The following ATP9B variants were observed in gnomAD, a reference collection of about 807,000 sequenced individuals.
ATP9B encodes probable phospholipid-transporting ATPase IIB.
Under a neutral mutation model 146.1 loss-of-function variants are expected in ATP9B, and 110 were observed. The observed-to-expected ratio is 0.75, with a 90% CI of 0.65 to 0.88. The LOEUF (loss-of-function observed/expected upper bound fraction) is 0.88, where lower values mean the gene tolerates loss of function less well. Ranked by LOEUF, ATP9B falls within the 40% of genes least tolerant of loss-of-function variation. The pLI, the probability that ATP9B is intolerant of heterozygous loss-of-function variation, is 0.00. For synonymous variants in ATP9B, 604 were observed against 569.7 expected, an observed-to-expected ratio of 1.06 and a Z score of -0.86; for missense variants, 1,499 against 1,496.4, an observed-to-expected ratio of 1.00 and a Z score of -0.03.
chr18:79,349,853 C>T (rs545568801), intron 25 of ATP9B, among the ~76,000 whole-genome samples: 7 of 151,924 alleles, frequency 4.6e-5, no homozygotes, highest in African/African-American at 1.7e-4. Flanking sequence ...TAGACCACTG[C>T]CAGATGTCCC....
At chr18:79,146,666 A>C (rs186943679) in intron 6 of ATP9B, 16 of 252,630 alleles carry the variant, frequency 6.3e-5, no homozygotes, top group Non-Finnish European at 7.9e-6. Context: ...GGGGGAGTGC[A>C]TTCGGAGTGT....
intron 26 of ATP9B, chr18:79,360,534 C>T (rs1302168960): frequency 6.6e-6 from 1 of 151,950 alleles, no homozygotes; most frequent in Non-Finnish European, 1.5e-5. Context: ...ATACAGCTAA[C>T]CACTAACAAG....
chr18:79,078,437 T>G (rs1568369911), intron 1 of ATP9B, among the ~76,000 whole-genome samples: 1 of 152,214 alleles, frequency 6.6e-6, no homozygotes, highest in Non-Finnish European at 1.5e-5. Flanking sequence ...CACATTTTGA[T>G]GTATAATGTC....
At chr18:79,094,803 T>C (rs768170640) in intron 1 of ATP9B, among the ~76,000 whole-genome samples, 4 of 152,180 alleles carry the variant, frequency 2.6e-5, no homozygotes, top group Non-Finnish European at 5.9e-5. Context: ...TGAAACTGTG[T>C]GTGTCAGCCC....
intron 7 of ATP9B, among the ~76,000 whole-genome samples, chr18:79,163,710 GTTTA>G (rs1421814680): frequency 1.3e-5 from 2 of 151,364 alleles, no homozygotes; most frequent in Non-Finnish European, 2.9e-5. Context: ...ACCCCTAACG[GTTTA>G]TTTAAATATA....
intron 13 of ATP9B, among the ~76,000 whole-genome samples, chr18:79,287,760 A>T (rs4799031): frequency 6.6e-6 from 1 of 151,416 alleles, no homozygotes; most frequent in Non-Finnish European, 1.5e-5. Flanking sequence ...ATTTAGTGCT[A>T]TAGATTTCCC....
intron 9 of ATP9B, among the ~76,000 whole-genome samples, chr18:79,199,539 ATCACGAG>A (rs2095446705): frequency 6.6e-6 from 1 of 151,970 alleles, no homozygotes; most frequent in African/African-American, 2.4e-5. Flanking sequence ...AGGCTGGTGG[ATCACGAG>A]GTCAAGAGAT....
intron 29 of ATP9B, chr18:79,375,928 A>C (rs2097099432): frequency 1.0e-6 from 1 of 985,254 alleles, no homozygotes; most frequent in Admixed American, 6.2e-5. Flanking sequence ...GTAAATCTCC[A>C]GTTTCTCATC....
At chr18:79,310,881 T>C (rs564443081) in intron 15 of ATP9B, among the ~76,000 whole-genome samples, 1 of 147,212 alleles carries the variant, frequency 6.8e-6, no homozygotes, top group East Asian at 2.1e-4. Flanking sequence ...CCAGGCATGG[T>C]GGGTCATGCC....
At chr18:79,244,189 A>G (rs1016595813) in intron 11 of ATP9B, among the ~76,000 whole-genome samples, 4 of 140,310 alleles carry the variant, frequency 2.9e-5, no homozygotes, top group African/African-American at 1.1e-4. Flanking sequence ...TTTCATGGCC[A>G]TGTTCCAGGC....
chr18:79,118,395 T>TTG lies in ATP9B; in HGVS notation c.558+5042_558+5043insGT, dbSNP rs2147092866. Among the ~76,000 whole-genome samples the TTG allele has an allele frequency of 2.5e-5, 3 of 122,244 alleles. No individual in the cohort carries two copies. In the South Asian group the frequency reaches 1.0e-3, roughly 42 times the overall value. 80.2% of individuals were successfully genotyped at this position (122,244 alleles called of 152,430 possible). ...CAATCATATTGAACGTTTTTGTTTT[T>TTG]TTTTTTTTTTTTTTTTTTTTTTTGA... On this transcript the variant is annotated intron_variant, in intron 4 of 29. Coordinates refer to ENST00000426216, the MANE Select transcript of ATP9B (RefSeq NM_198531.5).
chr18:79,201,401 A>G (rs1208672443), intron 9 of ATP9B, among the ~76,000 whole-genome samples: 5 of 152,184 alleles, frequency 3.3e-5, no homozygotes. Flanking sequence ...TTATAGTGTA[A>G]TATACATAAG....
In ATP9B at chr18:79,345,568, C is replaced by G; in HGVS notation, c.2613C>G (p.Ala871=). The G allele has an allele frequency of 6.2e-7, 1 of 1,607,688 alleles. No individual in the cohort carries two copies. Among genetic ancestry groups the G allele is most frequent in the Non-Finnish European group, 8.5e-7 (1 of 1,179,690 alleles). The part of the protein sequence containing the change: ...LQQHTGRRTC[A]IGDGGNDVSM... ...AGCACACAGGGAGACGCACCTGCGC[C>G]ATCGGTGAGAGCCGCCCACCCTGCT... Residue 871 remains alanine (A), a synonymous_variant, in exon 22 of 30, where the codon GCC becomes GCG. Coordinates refer to ENST00000426216, the MANE Select transcript of ATP9B (RefSeq NM_198531.5).
At chr18:79,337,488 G>A in intron 19 of ATP9B, 39 bp downstream of exon 19, 1 of 1,587,956 alleles carries the variant, frequency 6.3e-7, no homozygotes, top group Non-Finnish European at 8.5e-7. Context: ...CGCTGCTTTT[G>A]CTGAAGCAAA....
rs73502336 is a variant in ATP9B at position 79,073,896 on chromosome 18, G to C, written c.119+4367G>C. ...CCAGTATCTGAGTTAGCTCAGTGTC[G>C]GTGTCATGTGATTGCCTTTTCTAAT... On this transcript the variant is annotated intron_variant, in intron 1 of 29. Transcript: ENST00000426216. Among the ~76,000 whole-genome samples, 312 of 152,206 alleles carry C rather than the reference G, an allele frequency of 2.0e-3. 3 individuals are homozygous for C. Among genetic ancestry groups the C allele is most frequent in the African/African-American group, 7.2e-3 (301 of 41,532 alleles).
chr18:79,279,579 C>T (rs1044236693), intron 13 of ATP9B, among the ~76,000 whole-genome samples: 3 of 152,144 alleles, frequency 2.0e-5, no homozygotes, highest in Admixed American at 2.0e-4. Context: ...CTAAATTCAG[C>T]AGCAATTCTG....
At chr18:79,259,058 C>A (rs1051507044) in intron 12 of ATP9B, among the ~76,000 whole-genome samples, 8 of 152,216 alleles carry the variant, frequency 5.3e-5, no homozygotes, top group Non-Finnish European at 1.2e-4. Context: ...TGTCCTAACA[C>A]TCTTAAAAGG....
At chr18:79,269,140 C>T (rs935141354) in intron 12 of ATP9B, among the ~76,000 whole-genome samples, 5 of 152,208 alleles carry the variant, frequency 3.3e-5, no homozygotes, top group African/African-American at 7.2e-5. Context: ...GATGCTGCCC[C>T]GTCCCCACCT....
intron 7 of ATP9B, 90 bp from the exon 8 acceptor site, chr18:79,176,723 C>T (rs2095176443): frequency 1.9e-6 from 2 of 1,030,036 alleles, no homozygotes; most frequent in African/African-American, 3.2e-5. Flanking sequence ...CCTACTGTGC[C>T]CTGGAATTAT....
Sources: gnomAD v4.1 joint callset for allele counts (sites outside exome capture counted in the v4.1 genomes callset) on GRCh38, gnomAD v4.1.1 for gene constraint, MANE v1.5 for transcripts, NCBI Gene and HGNC (gene_info 2026-07-23, HGNC 2026-07-21) for gene names.